The following ATP6V1C1 variants were observed in gnomAD, a reference collection of about 807,000 sequenced individuals.
The protein encoded by ATP6V1C1 is ATPase H+ transporting V1 subunit C1.
A neutral mutation model predicts 53.9 loss-of-function variants in ATP6V1C1; 45 were observed. That is an observed-to-expected ratio of 0.83 (90% CI 0.66 to 1.07). ATP6V1C1 has a LOEUF of 1.07. ATP6V1C1 is among the 50% of genes least tolerant of loss of function. The pLI is 0.00. For missense variants in ATP6V1C1, 315 were observed against 440.3 expected (o/e 0.72, Z 2.55); for synonymous variants, 153 against 155.2 (o/e 0.99, Z 0.11).
At chr8:103,029,940 C>G (rs1214164751) in intron 1 of ATP6V1C1, among the ~76,000 whole-genome samples, 2 of 152,198 alleles carry the variant, frequency 1.3e-5, no homozygotes, top group African/African-American at 4.8e-5. Context: ...ACTATGTTGG[C>G]CGTGGCTGGT....
intron 8 of ATP6V1C1, among the ~76,000 whole-genome samples, chr8:103,061,834 C>T (rs1290605100): frequency 2.0e-5 from 3 of 152,198 alleles, no homozygotes. Context: ...GGAACAGCTG[C>T]CTGTGCAGCC....
intron 8 of ATP6V1C1, 48 bp downstream of exon 8, chr8:103,055,984 A>C: frequency 6.4e-7 from 1 of 1,563,960 alleles, no homozygotes; most frequent in Non-Finnish European, 8.8e-7. Flanking sequence ...AATTCCTTTT[A>C]GAGTTTGGAT....
rs137856477 is a variant in ATP6V1C1, at chr8:103,047,464, A to ACAT, written c.201-1406_201-1405insCAT. Among the ~76,000 whole-genome samples the ACAT allele has an allele frequency of 5.7e-3, 709 of 125,470 alleles. 4 individuals are homozygous for ACAT. The highest frequency in any genetic ancestry group is 0.031 in the East Asian group (133 of 4,356). 82.3% of individuals were successfully genotyped at this position (125,470 alleles called of 152,430 possible). A position where few individuals can be genotyped will look rare whatever the true frequency, so the allele number is the denominator to read the frequency against. On this transcript the variant is annotated intron_variant, in intron 3 of 12. Coordinates refer to ENST00000518738, the MANE Select transcript of ATP6V1C1 (RefSeq NM_001695.5). ...CACACACACACACACACACACACAC[A>ACAT]TTTTTTTTTTAAGGAAAAAAAACCA...
At chr8:103,066,513 AAGAT>A (rs1817493929) in intron 12 of ATP6V1C1, 66 bp downstream of exon 12, 1 of 1,454,730 alleles carries the variant, frequency 6.9e-7, no homozygotes, top group Admixed American at 2.5e-5. Flanking sequence ...TGATTGAAAG[AAGAT>A]AGACAGAAAA....
intron 6 of ATP6V1C1, 38 bp downstream of exon 6, chr8:103,052,860 G>A: frequency 7.6e-7 from 1 of 1,319,178 alleles, no homozygotes; most frequent in Non-Finnish European, 1.1e-6. Flanking sequence ...TAAGAACTGG[G>A]GAAGCATACT....
At chr8:103,035,962 G>C (rs964668202) in intron 1 of ATP6V1C1, among the ~76,000 whole-genome samples, 6 of 152,176 alleles carry the variant, frequency 3.9e-5, no homozygotes, top group African/African-American at 1.4e-4. Flanking sequence ...TTTAGAAATT[G>C]TGATGATCCT....
chr8:103,032,243 A>G (rs1816811270), intron 1 of ATP6V1C1, among the ~76,000 whole-genome samples: 2 of 152,234 alleles, frequency 1.3e-5, no homozygotes, highest in Non-Finnish European at 2.9e-5. Context: ...TAGAAAATAT[A>G]CAAATGGCAA....
At chr8:103,063,448 TC>T (rs1817438391) in intron 10 of ATP6V1C1, among the ~76,000 whole-genome samples, 1 of 152,162 alleles carries the variant, frequency 6.6e-6, no homozygotes, top group South Asian at 2.1e-4. Context: ...AAAGCTTATG[TC>T]TATCTGAGAT....
At chr8:103,066,583 T>C (rs565375316) in intron 12 of ATP6V1C1, 136 bp downstream of exon 12, 6 of 986,316 alleles carry the variant, frequency 6.1e-6, no homozygotes, top group East Asian at 5.6e-5. Flanking sequence ...TCTCAATTTG[T>C]TATGTAAACA....
intron 3 of ATP6V1C1, among the ~76,000 whole-genome samples, chr8:103,048,269 A>G (rs1817140024): frequency 6.6e-6 from 1 of 152,198 alleles, no homozygotes; most frequent in Non-Finnish European, 1.5e-5. Flanking sequence ...TTTCCCCCCT[A>G]AAGTAATGGC....
At chr8:103,063,285 G>T in intron 10 of ATP6V1C1, 57 bp downstream of exon 10, 2 of 1,131,600 alleles carry the variant, frequency 1.8e-6, no homozygotes, top group Non-Finnish European at 1.3e-6. Flanking sequence ...AAGTGGTATT[G>T]CTTTCCTTTG....
chr8:103,055,837 T>A, intron 7 of ATP6V1C1, 31 bp from the exon 8 acceptor site: 1 of 1,595,382 alleles, frequency 6.3e-7, no homozygotes, highest in South Asian at 1.1e-5. Context: ...CTTGTTTTTC[T>A]TTTCCAATGT....
intron 8 of ATP6V1C1, among the ~76,000 whole-genome samples, chr8:103,059,241 G>A (rs2131400569): frequency 1.3e-5 from 2 of 152,242 alleles, no homozygotes; most frequent in South Asian, 4.1e-4. Flanking sequence ...CTGTTCTCCT[G>A]TCAGTACCAC....
intron 11 of ATP6V1C1, among the ~76,000 whole-genome samples, chr8:103,065,552 G>A (rs1029544942): frequency 6.6e-6 from 1 of 151,302 alleles, no homozygotes; most frequent in Non-Finnish European, 1.5e-5. Flanking sequence ...CTGGGCAACA[G>A]AGCGAGACTC....
chr8:103,040,779 T>C lies in ATP6V1C1; in HGVS notation c.-39-19T>C. On this transcript the variant is annotated intron_variant, in intron 1 of 12. Transcript: ENST00000518738. ...AAATGATTTTAAATGTGATTTTTTT[T>C]ATTTGTTTTACATTTCAGAATCTCT... 6 of 1,561,738 alleles carry C rather than the reference T, an allele frequency of 3.8e-6. No homozygotes were observed. The highest frequency in any genetic ancestry group is 1.2e-5 in the South Asian group (1 of 84,926).
intron 1 of ATP6V1C1, among the ~76,000 whole-genome samples, chr8:103,023,857 G>C (rs931038137): frequency 6.6e-6 from 1 of 151,968 alleles, no homozygotes; most frequent in African/African-American, 2.4e-5. Context: ...TAGAGAAAAG[G>C]GCGAGTTTTT....
chr8:103,050,040 A>G (rs548967584), intron 4 of ATP6V1C1, among the ~76,000 whole-genome samples: 28 of 152,290 alleles, frequency 1.8e-4, no homozygotes, highest in Non-Finnish European at 2.9e-5. Flanking sequence ...TAAGGTTACT[A>G]TATTTTAAAT....
At chr8:103,031,932 C>T (rs1275230661) in intron 1 of ATP6V1C1, among the ~76,000 whole-genome samples, 2 of 151,588 alleles carry the variant, frequency 1.3e-5, no homozygotes, top group Admixed American at 6.6e-5. Flanking sequence ...TCAACAAACT[C>T]GAAGCAGAGT....
intron 1 of ATP6V1C1, among the ~76,000 whole-genome samples, chr8:103,032,424 T>C (rs925998008): frequency 6.6e-6 from 1 of 152,170 alleles, no homozygotes; most frequent in Non-Finnish European, 1.5e-5. Context: ...TAAAATGTTA[T>C]ATATCTGCTT....
Sources: allele counts gnomAD v4.1 joint callset (sites outside exome capture counted in the v4.1 genomes callset), GRCh38; gene constraint gnomAD v4.1.1; transcripts MANE v1.5; gene names NCBI Gene and HGNC (gene_info 2026-07-23, HGNC 2026-07-21).